The following PDE1C variants were observed in gnomAD, a reference collection of about 807,000 sequenced individuals.
PDE1C encodes the protein phosphodiesterase 1C.
Under a neutral mutation model 93.1 loss-of-function variants are expected in PDE1C, and 62 were observed. That is an observed-to-expected ratio of 0.67 (90% confidence interval 0.54 to 0.82). The LOEUF (loss-of-function observed/expected upper bound fraction) is 0.82. PDE1C is among the 40% of genes least tolerant of loss of function. PDE1C has a pLI of 0.00. For synonymous variants in PDE1C, 325 were observed against 310.1 expected, an observed-to-expected ratio of 1.05 and a Z score of -0.50; for missense variants, 742 against 884.6, an observed-to-expected ratio of 0.84 and a Z score of 2.04.
intron 3 of PDE1C, among the ~76,000 whole-genome samples, chr7:32,085,710 A>G (rs974324301): frequency 6.6e-6 from 1 of 151,608 alleles, no homozygotes; most frequent in Non-Finnish European, 1.5e-5. Flanking sequence ...TACACAAATC[A>G]ATAAATGTAA....
the PDE1C span, among the ~76,000 whole-genome samples, chr7:31,709,525 A>G: frequency 2.3e-4 from 35 of 152,322 alleles, no homozygotes; most frequent in East Asian, 6.2e-3. Flanking sequence ...GGCCGCAATT[A>G]TGAGACTCAA....
At chr7:31,805,315 C>G (rs986820401) in intron 16 of PDE1C, among the ~76,000 whole-genome samples, 1 of 151,688 alleles carries the variant, frequency 6.6e-6, no homozygotes, top group Admixed American at 6.6e-5. Flanking sequence ...CAATTTAAAA[C>G]TTATAATTGT....
intron 2 of PDE1C, among the ~76,000 whole-genome samples, chr7:32,047,697 T>C (rs1385626717): frequency 6.6e-6 from 1 of 151,870 alleles, no homozygotes; most frequent in Non-Finnish European, 1.5e-5. Flanking sequence ...GACAATTACT[T>C]TGAAAGCTGT....
At chr7:32,308,909 G>T (rs1813092968) in intron 1 of PDE1C, among the ~76,000 whole-genome samples, 2 of 151,808 alleles carry the variant, frequency 1.3e-5, no homozygotes, top group African/African-American at 4.8e-5. Context: ...GAATGACTTT[G>T]ACGAGTTGAG....
intron 1 of PDE1C, among the ~76,000 whole-genome samples, chr7:32,266,102 A>C (rs77172286): frequency 4.0e-5 from 6 of 150,460 alleles, no homozygotes; most frequent in Admixed American, 1.3e-4. Flanking sequence ...GTGAAACCCC[A>C]TCTCTACTAA....
chr7:31,973,068 A>G (rs562719913), intron 2 of PDE1C, among the ~76,000 whole-genome samples: 2 of 152,230 alleles, frequency 1.3e-5, no homozygotes, highest in Non-Finnish European at 2.9e-5. Flanking sequence ...GATATAAAGA[A>G]GAACCAAATG....
intron 1 of PDE1C, among the ~76,000 whole-genome samples, chr7:32,212,924 A>G (rs1806156396): frequency 6.6e-6 from 1 of 152,190 alleles, no homozygotes; most frequent in Non-Finnish European, 1.5e-5. Context: ...GTGAGGCCCA[A>G]GAATTTACAT....
chr7:32,025,528 A>G (rs1789298850), intron 2 of PDE1C, among the ~76,000 whole-genome samples: 1 of 151,230 alleles, frequency 6.6e-6, no homozygotes, highest in Non-Finnish European at 1.5e-5. Flanking sequence ...TGACGTTTCC[A>G]AGACTGGACA....
intron 2 of PDE1C, among the ~76,000 whole-genome samples, chr7:31,926,901 T>TTTTTGTTTTG (rs111533454): frequency 0.068 from 10,331 of 151,738 alleles, 629 homozygotes; most frequent in African/African-American, 0.17. Context: ...TGCAGGAGTT[T>TTTTTGTTTTG]TTTTGTTTTG....
intron 2 of PDE1C, among the ~76,000 whole-genome samples, chr7:31,971,623 A>G (rs1810974565): frequency 6.6e-6 from 1 of 152,216 alleles, no homozygotes; most frequent in African/African-American, 2.4e-5. Context: ...GCCCTGCTGT[A>G]TGACCTGAGG....
intron 16 of PDE1C, among the ~76,000 whole-genome samples, chr7:31,807,172 G>C (rs916783350): frequency 6.6e-6 from 1 of 151,910 alleles, no homozygotes; most frequent in African/African-American, 2.4e-5. Context: ...ATGCAAAGTT[G>C]TTCATGATTA....
At chr7:31,967,991 C>T (rs4454196) in intron 2 of PDE1C, among the ~76,000 whole-genome samples, 22,448 of 152,148 alleles carry the variant, frequency 0.15, 1,939 homozygotes, top group African/African-American at 0.24. Context: ...GACAAACCCA[C>T]AGCCAATATC....
chr7:31,952,619 T>C (rs1807540159), intron 2 of PDE1C, among the ~76,000 whole-genome samples: 1 of 152,106 alleles, frequency 6.6e-6, no homozygotes, highest in Admixed American at 6.6e-5. Context: ...TGCTTAGTCC[T>C]GAATTGTGCA....
At chr7:32,128,398 T>TA (rs536083641) in intron 3 of PDE1C, among the ~76,000 whole-genome samples, 57 of 151,832 alleles carry the variant, frequency 3.8e-4, no homozygotes, top group African/African-American at 1.1e-3. Context: ...AAATTAAAAG[T>TA]AAAAAAACAT....
the PDE1C span, among the ~76,000 whole-genome samples, chr7:31,682,509 G>A: frequency 6.6e-6 from 1 of 152,196 alleles, no homozygotes; most frequent in Non-Finnish European, 1.5e-5. Flanking sequence ...GCTGGATCAT[G>A]CCACATTGCT....
At chr7:32,128,490 T>A (rs902993430) in intron 3 of PDE1C, among the ~76,000 whole-genome samples, 9 of 151,936 alleles carry the variant, frequency 5.9e-5, no homozygotes, top group Admixed American at 5.3e-4. Flanking sequence ...AAATATATAT[T>A]GTTAAGAAAC....
intron 3 of PDE1C, among the ~76,000 whole-genome samples, chr7:32,129,294 A>G (rs895427299): frequency 3.3e-5 from 5 of 151,874 alleles, no homozygotes; most frequent in African/African-American, 1.2e-4. Flanking sequence ...GAAGATTATC[A>G]GGCAGAGTAA....
intron 2 of PDE1C, among the ~76,000 whole-genome samples, chr7:32,185,248 A>G (rs751361831): frequency 0.032 from 1,062 of 32,744 alleles, 5 homozygotes; most frequent in Non-Finnish European, 0.038. Flanking sequence ...TCTGTCTCAG[A>G]AAAAAAAAAA....
chr7:32,324,475 T>C (rs1035915509), intron 1 of PDE1C, among the ~76,000 whole-genome samples: 14 of 152,218 alleles, frequency 9.2e-5, no homozygotes, highest in African/African-American at 2.9e-4. Context: ...CAATCAAATC[T>C]TCCCAAATTG....
Sources: gnomAD v4.1 joint callset for allele counts (sites outside exome capture counted in the v4.1 genomes callset) on GRCh38, gnomAD v4.1.1 for gene constraint, MANE v1.5 for transcripts, NCBI Gene and HGNC (gene_info 2026-07-23, HGNC 2026-07-21) for gene names.